Variants in GRAMD1C observed in about 807,000 individuals in gnomAD.
The protein encoded by GRAMD1C is GRAM domain containing 1C.
In GRAMD1C, 89 loss-of-function variants were observed where a neutral mutation model predicts 97.8. The ratio of observed to expected loss-of-function variants is 0.91; its 90% CI spans 0.77 to 1.09. GRAMD1C has a LOEUF of 1.09. GRAMD1C is among the 50% of genes least tolerant of loss of function. GRAMD1C has a pLI of 0.00. For missense variants in GRAMD1C, 740 were observed against 766.4 expected, an observed-to-expected ratio of 0.97 and a Z score of 0.41; for synonymous variants, 256 against 267.0, an observed-to-expected ratio of 0.96 and a Z score of 0.40.
intron 2 of GRAMD1C, among the ~76,000 whole-genome samples, chr3:113,864,328 G>A (rs931930589): frequency 6.6e-6 from 1 of 152,044 alleles, no homozygotes; most frequent in Non-Finnish European, 1.5e-5. Context: ...TGGCCAGGCT[G>A]GTCTCAAACT....
intron 1 of GRAMD1C, among the ~76,000 whole-genome samples, chr3:113,830,374 A>G (rs1400821179): frequency 1.3e-5 from 2 of 151,078 alleles, no homozygotes; most frequent in Non-Finnish European, 2.9e-5. Context: ...CAAGCTTTTT[A>G]GCTTGCTTAT....
intron 9 of GRAMD1C, 25 bp downstream of exon 9, chr3:113,909,145 T>A (rs766939189): frequency 1.6e-6 from 2 of 1,256,136 alleles, no homozygotes; most frequent in Admixed American, 5.3e-5. Flanking sequence ...ATAAATTTTA[T>A]TAAATTTCAG....
chr3:113,849,721 T>G (rs1413436468), intron 2 of GRAMD1C, among the ~76,000 whole-genome samples: 1 of 152,200 alleles, frequency 6.6e-6, no homozygotes, highest in Non-Finnish European at 1.5e-5. Context: ...AACCATCCGA[T>G]TTCTCAATCT....
chr3:113,844,524 A>C lies in GRAMD1C; in HGVS notation c.49A>C (p.Ser17Arg). ...VRQVMNEGDS[S>R]LATDLQEDVE... ...CCAGGTGATGAATGAAGGGGATTCAAGCCTTGCCACCGACTTACAGGAAGA... is the reference window on the plus strand; with the variant it reads ...CCAGGTGATGAATGAAGGGGATTCACGCCTTGCCACCGACTTACAGGAAGA... Residue 17 changes from serine (S) to arginine (R), a missense_variant, in exon 2 of 18, where the codon AGC (serine) becomes CGC (arginine). Ser to Arg is a moderately radical substitution (Grantham distance 110). Coordinates refer to ENST00000358160, the MANE Select transcript of GRAMD1C (RefSeq NM_017577.5). 6.2e-7 allele frequency: 1 copy of C among 1,604,602 alleles called. No individual in the cohort carries two copies. Among genetic ancestry groups the C allele is most frequent in the South Asian group, 1.1e-5 (1 of 90,128 alleles).
intron 6 of GRAMD1C, chr3:113,885,746 C>T: frequency 6.3e-7 from 1 of 1,577,438 alleles, no homozygotes; most frequent in Admixed American, 1.7e-5. Context: ...ATAGCAGAAG[C>T]ATCCTTAAGA....
chr3:113,894,428 G>T (rs1278037570), intron 6 of GRAMD1C, among the ~76,000 whole-genome samples: 2 of 152,028 alleles, frequency 1.3e-5, no homozygotes, highest in African/African-American at 4.8e-5. Context: ...ACAGGTGCTT[G>T]CCACCACACC....
intron 17 of GRAMD1C, among the ~76,000 whole-genome samples, chr3:113,941,875 T>C (rs1937800482): frequency 1.3e-5 from 2 of 151,974 alleles, no homozygotes; most frequent in Admixed American, 1.3e-4. Flanking sequence ...CACCTCGGCC[T>C]CCCAAAGTGT....
intron 10 of GRAMD1C, among the ~76,000 whole-genome samples, chr3:113,922,209 C>T (rs1418429182): frequency 6.6e-6 from 1 of 151,884 alleles, no homozygotes; most frequent in Non-Finnish European, 1.5e-5. Context: ...GTAGCTGGGA[C>T]TACAGGTGCA....
intron 2 of GRAMD1C, among the ~76,000 whole-genome samples, chr3:113,857,586 C>T (rs1934197044): frequency 6.6e-6 from 1 of 152,062 alleles, no homozygotes; most frequent in South Asian, 2.1e-4. Flanking sequence ...CCGTGTTAGC[C>T]AGGATGGTCT....
In GRAMD1C at chr3:113,838,835, G is replaced by T; in HGVS notation, c.-75G>T. On this transcript the variant is annotated 5_prime_UTR_variant, in exon 1 of 18. Coordinates refer to ENST00000358160, the MANE Select transcript of GRAMD1C (RefSeq NM_017577.5). Reference sequence around the variant, plus strand: ...GCGCGCGGAGCCTGTAACTCGCAGCGCGCGCTGGAGGTGGGCGCGGGGCGG... The same window carrying T: ...GCGCGCGGAGCCTGTAACTCGCAGCTCGCGCTGGAGGTGGGCGCGGGGCGG... 9.1e-7 allele frequency: 1 copy of T among 1,102,996 alleles called. No individual in the cohort carries two copies. The highest frequency in any genetic ancestry group is 1.1e-6 in the Non-Finnish European group (1 of 872,590). The allele number at this position is 1,102,996 out of a possible 1,614,324, so 68.3% of individuals were successfully genotyped here. A position where few individuals can be genotyped will look rare whatever the true frequency, so the allele number is the denominator to read the frequency against.
chr3:113,909,399 G>C (rs1190333190), intron 9 of GRAMD1C, among the ~76,000 whole-genome samples: 1 of 152,112 alleles, frequency 6.6e-6, no homozygotes. Flanking sequence ...CTATATACCA[G>C]GCAGTGTGAT....
At chr3:113,839,478 C>T (rs914999019) in intron 1 of GRAMD1C, among the ~76,000 whole-genome samples, 7 of 152,196 alleles carry the variant, frequency 4.6e-5, no homozygotes, top group Non-Finnish European at 1.0e-4. Context: ...TGAACACCAT[C>T]CTCCTTCTAC....
At position 113,864,641 on chromosome 3, in the gene GRAMD1C, A is replaced by G. The variant is rs1934514019; in HGVS notation, c.175-4866A>G. Among the ~76,000 whole-genome samples the G allele has an allele frequency of 2.0e-5, 3 of 152,264 alleles. No homozygotes were observed. The South Asian group carries it at 6.2e-4, about 32-fold the overall frequency. On this transcript the variant is annotated intron_variant, in intron 2 of 17. Transcript: ENST00000358160. ...TATAATGACCTTTGCTCCAGTTCCC[A>G]ATAAGATATTCCTCATTTCCATCAG...
chr3:113,924,160 ATCTTC>A (rs1937157470), intron 10 of GRAMD1C, among the ~76,000 whole-genome samples: 1 of 115,250 alleles, frequency 8.7e-6, no homozygotes, highest in Admixed American at 9.4e-5. Context: ...GTTTATTTGG[ATCTTC>A]TCTTTTAAAT....
At chr3:113,882,937 A>G in intron 6 of GRAMD1C, 105 bp downstream of exon 6, 1 of 547,428 alleles carries the variant, frequency 1.8e-6, no homozygotes, top group Non-Finnish European at 3.3e-6. Flanking sequence ...TGACTAGATA[A>G]TTGAAATTCT....
chr3:113,936,660 G>T, intron 14 of GRAMD1C: 1 of 379,428 alleles, frequency 2.6e-6, no homozygotes, highest in Non-Finnish European at 4.6e-6. Context: ...ATTTTATTTG[G>T]CCCATGTGTC....
chr3:113,927,916 C>G (rs901687031), intron 10 of GRAMD1C, among the ~76,000 whole-genome samples: 4 of 152,162 alleles, frequency 2.6e-5, no homozygotes, highest in African/African-American at 9.7e-5. Flanking sequence ...TTCCAGGGTC[C>G]AAGGCTTATA....
At chr3:113,885,283 G>A in intron 6 of GRAMD1C, 1 of 1,449,086 alleles carries the variant, frequency 6.9e-7, no homozygotes, top group Non-Finnish European at 9.6e-7. Context: ...GGCCGGCGGT[G>A]CCGGGGTCAT....
At chr3:113,922,574 C>A (rs1937097868) in intron 10 of GRAMD1C, among the ~76,000 whole-genome samples, 1 of 152,018 alleles carries the variant, frequency 6.6e-6, no homozygotes. Context: ...TTGTCGAAGA[C>A]CAGATGGTTG....
Sources: gnomAD v4.1 joint callset for allele counts (sites outside exome capture counted in the v4.1 genomes callset) on GRCh38, gnomAD v4.1.1 for gene constraint, MANE v1.5 for transcripts, NCBI Gene and HGNC (gene_info 2026-07-23, HGNC 2026-07-21) for gene names.